PTPRD: variants seen among roughly 807,000 people sequenced by gnomAD.
PTPRD encodes the protein protein tyrosine phosphatase receptor type D, also known as receptor-type tyrosine-protein phosphatase delta.
A neutral mutation model predicts 214.5 loss-of-function variants in PTPRD; 34 were observed. The ratio of observed to expected loss-of-function variants is 0.16; its 90% CI spans 0.12 to 0.21. PTPRD has a LOEUF of 0.21. Ranked by LOEUF, PTPRD falls within the 10% of genes least tolerant of loss-of-function variation. The pLI, the probability that PTPRD is intolerant of heterozygous loss-of-function variation, is 1.00. For missense variants in PTPRD, 2,545 were observed against 2,398.7 expected, an observed-to-expected ratio of 1.06 and a Z score of -1.27; for synonymous variants, 1,128 against 845.7, an observed-to-expected ratio of 1.33 and a Z score of -5.79.
At chr9:8,670,744 G>A (rs1386779074) in intron 12 of PTPRD, among the ~76,000 whole-genome samples, 2 of 152,140 alleles carry the variant, frequency 1.3e-5, no homozygotes, top group Non-Finnish European at 1.5e-5. Flanking sequence ...GAAGACAATA[G>A]GTCACCTGCC....
At chr9:8,938,791 C>T (rs2099013806) in intron 11 of PTPRD, among the ~76,000 whole-genome samples, 1 of 151,952 alleles carries the variant, frequency 6.6e-6, no homozygotes, top group Non-Finnish European at 1.5e-5. Context: ...ACATTTTCTA[C>T]AAAGCAAATT....
chr9:10,284,979 C>A (rs542935295), intron 3 of PTPRD, among the ~76,000 whole-genome samples: 1 of 152,288 alleles, frequency 6.6e-6, no homozygotes, highest in South Asian at 2.1e-4. Context: ...ATTTTGGACA[C>A]TATTCCAAAT....
chr9:8,377,442 T>G (rs563851773), intron 37 of PTPRD, among the ~76,000 whole-genome samples: 1 of 152,232 alleles, frequency 6.6e-6, no homozygotes, highest in African/African-American at 2.4e-5. Flanking sequence ...TCAGCCTAAT[T>G]AGTTTAACAC....
chr9:8,506,709 T>C (rs1036862616), intron 22 of PTPRD, among the ~76,000 whole-genome samples: 16 of 152,370 alleles, frequency 1.1e-4, no homozygotes, highest in African/African-American at 3.8e-4. Context: ...GTTAATTATA[T>C]TGATTTTCAT....
intron 11 of PTPRD, among the ~76,000 whole-genome samples, chr9:8,946,287 G>C (rs965058010): frequency 5.9e-5 from 9 of 152,028 alleles, no homozygotes; most frequent in African/African-American, 1.7e-4. Context: ...ATCATGGCTT[G>C]AGATAAAATT....
At position 8,486,262 on chromosome 9, in the gene PTPRD, G is replaced by T. The variant is rs776728008; in HGVS notation, c.2555C>A (p.Pro852His). 6.2e-7 allele frequency: 1 copy of T among 1,614,164 alleles called. No homozygotes were observed. The highest frequency in any genetic ancestry group is 1.3e-5 in the African/African-American group (1 of 75,046). Reference protein sequence around the residue: ...QWHPPVDTFGPLQGYRLKFGR... With the variant: ...QWHPPVDTFGHLQGYRLKFGR... ...AAATTTTAGACGGTAGCCCTGAAGA[G>T]GTCCAAATGTGTCCACCGGAGGGTG... is the stretch of plus-strand genomic sequence containing the variant. Residue 852 changes from proline to histidine, a missense_variant, in exon 28 of 46, where the codon CCT becomes CAT. By Grantham distance (77) the Pro-to-His change is moderately conservative (BLOSUM62 -2). Coordinates refer to ENST00000381196, the MANE Select transcript of PTPRD (RefSeq NM_002839.4).
chr9:8,713,376 C>A (rs895635240), intron 12 of PTPRD: 4 of 1,064,928 alleles, frequency 3.8e-6, no homozygotes, highest in Non-Finnish European at 4.3e-6. Flanking sequence ...CTCCCAAATG[C>A]CACACACCGC....
chr9:9,761,194 G>C (rs1272857637), intron 6 of PTPRD, among the ~76,000 whole-genome samples: 1 of 152,156 alleles, frequency 6.6e-6, no homozygotes, highest in African/African-American at 2.4e-5. Flanking sequence ...ACATACAATG[G>C]AATGCTGATC....
At chr9:8,521,138 C>G (rs2097883603) in intron 20 of PTPRD, 139 bp downstream of exon 20, 5 of 1,028,762 alleles carry the variant, frequency 4.9e-6, no homozygotes, top group Non-Finnish European at 6.9e-6. Flanking sequence ...TATAATACCA[C>G]AGATATGATT....
At chr9:9,936,028 T>C (rs968442982) in intron 5 of PTPRD, among the ~76,000 whole-genome samples, 10 of 149,902 alleles carry the variant, frequency 6.7e-5, no homozygotes, top group Admixed American at 4.0e-4. Context: ...TAGCCATATG[T>C]AGAAAGCTGA....
At chr9:9,680,123 C>T (rs116863292) in intron 7 of PTPRD, among the ~76,000 whole-genome samples, 1,903 of 151,876 alleles carry the variant, frequency 0.013, 104 homozygotes, top group Admixed American at 0.096. Flanking sequence ...TATATGTCTC[C>T]TAATAGCTTC....
intron 14 of PTPRD, among the ~76,000 whole-genome samples, chr9:8,589,694 G>C (rs1048930760): frequency 6.6e-6 from 1 of 152,224 alleles, no homozygotes; most frequent in African/African-American, 2.4e-5. Flanking sequence ...GTCTTGGATA[G>C]TATCCTGGTA....
At chr9:10,279,815 T>C (rs186459841) in intron 3 of PTPRD, among the ~76,000 whole-genome samples, 1 of 152,206 alleles carries the variant, frequency 6.6e-6, no homozygotes, top group East Asian at 1.9e-4. Flanking sequence ...TAATCTGCCA[T>C]GAGTAGTCCT....
chr9:8,492,808 A>G (rs2097178676), intron 27 of PTPRD, 54 bp downstream of exon 27: 5 of 1,318,192 alleles, frequency 3.8e-6, no homozygotes, highest in South Asian at 2.5e-5. Flanking sequence ...TACCTATACC[A>G]TTTAAAAAGT....
chr9:10,489,651 C>T (rs999874983), intron 2 of PTPRD, among the ~76,000 whole-genome samples: 1 of 152,122 alleles, frequency 6.6e-6, no homozygotes, highest in Non-Finnish European at 1.5e-5. Context: ...GCAGCTGCTG[C>T]AAGTCTTGCA....
At chr9:10,229,917 C>A (rs2099602958) in intron 3 of PTPRD, among the ~76,000 whole-genome samples, 1 of 151,932 alleles carries the variant, frequency 6.6e-6, no homozygotes, top group African/African-American at 2.4e-5. Context: ...TTTAATTCCA[C>A]TTCACAAGCT....
intron 11 of PTPRD, among the ~76,000 whole-genome samples, chr9:8,909,806 G>A (rs1412814654): frequency 6.8e-6 from 1 of 145,990 alleles, no homozygotes; most frequent in Non-Finnish European, 1.5e-5. Context: ...CAGAGATAGA[G>A]ACAGAGATAG....
chr9:10,022,439 C>G (rs1335147909), intron 4 of PTPRD, among the ~76,000 whole-genome samples: 1 of 150,728 alleles, frequency 6.6e-6, no homozygotes, highest in Non-Finnish European at 1.5e-5. Flanking sequence ...ATGAAAGCAA[C>G]AGAGAATCAC....
intron 2 of PTPRD, among the ~76,000 whole-genome samples, chr9:10,510,374 C>T (rs1384154139): frequency 6.6e-6 from 1 of 152,100 alleles, no homozygotes; most frequent in African/African-American, 2.4e-5. Context: ...AACTGAAGTT[C>T]ACCACTACTG....
Sources: gnomAD v4.1 joint callset for allele counts (sites outside exome capture counted in the v4.1 genomes callset) on GRCh38, gnomAD v4.1.1 for gene constraint, MANE v1.5 for transcripts, NCBI Gene and HGNC (gene_info 2026-07-23, HGNC 2026-07-21) for gene names.